PRKCH: variants seen among roughly 807,000 people sequenced by gnomAD.
PRKCH encodes protein kinase C eta.
A neutral mutation model predicts 82.5 loss-of-function variants in PRKCH; 28 were observed. That is an observed-to-expected ratio of 0.34 (90% CI 0.25 to 0.47). PRKCH has a LOEUF of 0.47. Among genes scored for constraint, PRKCH ranks in the 20% least tolerant of loss-of-function variants. The pLI is 1.00. For synonymous variants in PRKCH, 322 were observed against 327.4 expected (o/e 0.98, Z 0.18); for missense variants, 705 against 881.8 (o/e 0.80, Z 2.54).
chr14:61,290,443 G>A (rs976816748), intron 1 of PRKCH, among the ~76,000 whole-genome samples: 2 of 152,196 alleles, frequency 1.3e-5, no homozygotes, highest in Non-Finnish European at 2.9e-5. Flanking sequence ...CTGCCAGAGT[G>A]AGACAGGATG....
chr14:61,239,220 C>G (rs992767649), intron 1 of PRKCH, among the ~76,000 whole-genome samples: 3 of 152,094 alleles, frequency 2.0e-5, no homozygotes, highest in Non-Finnish European at 1.5e-5. Context: ...AAGATACTGC[C>G]CCTAAATTAG....
At chr14:61,430,900 A>G (rs10144460) in intron 2 of PRKCH, among the ~76,000 whole-genome samples, 149,963 of 152,148 alleles carry the variant, frequency 0.99, 73,933 homozygotes, top group Middle Eastern at 1. Context: ...GACTACAGGC[A>G]CGTGCCACCA....
chr14:61,334,873 T>A (rs181283477), intron 1 of PRKCH, among the ~76,000 whole-genome samples: 44 of 152,184 alleles, frequency 2.9e-4, no homozygotes, highest in Admixed American at 6.5e-4. Context: ...TTAATTAATT[T>A]ATTTAATTTT....
chr14:61,420,784 G>A (rs1481907900), intron 2 of PRKCH, among the ~76,000 whole-genome samples: 1 of 152,136 alleles, frequency 6.6e-6, no homozygotes, highest in East Asian at 1.9e-4. Flanking sequence ...TGTTTCAGGA[G>A]TCCTGTAGAA....
At chr14:61,410,695 C>T (rs1041479123) in intron 2 of PRKCH, among the ~76,000 whole-genome samples, 1 of 152,192 alleles carries the variant, frequency 6.6e-6, no homozygotes, top group Non-Finnish European at 1.5e-5. Flanking sequence ...CAGAGCTTTC[C>T]TTATCTTCTA....
At position 61,366,856 on chromosome 14, in the gene PRKCH, C is replaced by T. The variant is rs148191314; in HGVS notation, c.364-24369C>T. Reference sequence around the variant, plus strand: ...TTATAATGGTAATGAAAATTGGACCCTAGAACTTTGGACCTCCCCAGCCTT... The same window carrying T: ...TTATAATGGTAATGAAAATTGGACCTTAGAACTTTGGACCTCCCCAGCCTT... On this transcript the variant is annotated intron_variant, in intron 1 of 13. Coordinates refer to ENST00000332981, the MANE Select transcript of PRKCH (RefSeq NM_006255.5). Among the ~76,000 whole-genome samples, 5 of 152,094 alleles carry T rather than the reference C, an allele frequency of 3.3e-5. No individual in the cohort carries two copies. In the East Asian group the frequency reaches 9.7e-4, roughly 29 times the overall value.
At chr14:61,445,403 A>G (rs1053490930) in intron 3 of PRKCH, among the ~76,000 whole-genome samples, 22 of 152,234 alleles carry the variant, frequency 1.4e-4, no homozygotes, top group Non-Finnish European at 8.8e-5. Context: ...ACACGTACAG[A>G]TGAGGATTTA....
intron 1 of PRKCH, among the ~76,000 whole-genome samples, chr14:61,189,919 C>T (rs2044396919): frequency 6.6e-6 from 1 of 152,036 alleles, no homozygotes; most frequent in South Asian, 2.1e-4. Flanking sequence ...CCTGATAGCC[C>T]TGTTTCTTTC....
At chr14:61,334,810 C>T (rs1454706842) in intron 1 of PRKCH, among the ~76,000 whole-genome samples, 1 of 152,070 alleles carries the variant, frequency 6.6e-6, no homozygotes, top group Non-Finnish European at 1.5e-5. Flanking sequence ...TAAACATGCC[C>T]AGCACAAGAT....
intron 11 of PRKCH, among the ~76,000 whole-genome samples, 156 bp from the exon 12 acceptor site, chr14:61,530,251 C>A (rs567431658): frequency 6.6e-6 from 1 of 152,162 alleles, no homozygotes; most frequent in African/African-American, 2.4e-5. Context: ...GAAAACAGAC[C>A]ACTCTGTAGA....
At chr14:61,478,030 G>A (rs1233687516) in intron 9 of PRKCH, among the ~76,000 whole-genome samples, 1 of 152,310 alleles carries the variant, frequency 6.6e-6, no homozygotes, top group African/African-American at 2.4e-5. Context: ...ACAGCCAAGG[G>A]GCCTTCCTAT....
chr14:61,473,600 G>A (rs1885599595), intron 9 of PRKCH, among the ~76,000 whole-genome samples: 1 of 152,218 alleles, frequency 6.6e-6, no homozygotes, highest in Non-Finnish European at 1.5e-5. Context: ...CGGTTTGGGG[G>A]AAATTCAGTG....
intron 1 of PRKCH, among the ~76,000 whole-genome samples, chr14:61,260,809 C>T (rs944115778): frequency 2.0e-5 from 3 of 152,118 alleles, no homozygotes; most frequent in Admixed American, 6.5e-5. Flanking sequence ...CTAACCTTTG[C>T]GGATAATCAC....
intron 10 of PRKCH, among the ~76,000 whole-genome samples, chr14:61,503,349 A>C: frequency 6.6e-6 from 1 of 151,820 alleles, no homozygotes; most frequent in Admixed American, 6.6e-5. Flanking sequence ...AGGTTAAAAA[A>C]CAACCAAACA....
chr14:61,389,744 A>G (rs2046646811), intron 1 of PRKCH, among the ~76,000 whole-genome samples: 1 of 151,980 alleles, frequency 6.6e-6, no homozygotes, highest in Non-Finnish European at 1.5e-5. Context: ...GATGCCATAG[A>G]CTTTTCAGAT....
At position 61,498,199 on chromosome 14, in the gene PRKCH, A is replaced by G. The variant is rs186773986; in HGVS notation, c.1433+12543A>G. Among the ~76,000 whole-genome samples, 110 of 152,190 alleles carry G rather than the reference A, an allele frequency of 7.2e-4. 1 individual carries two copies. The highest frequency in any genetic ancestry group is 2.5e-4 in the Non-Finnish European group (17 of 68,020). ...CGGCTAATTTTTGTATTTTTAGTAG[A>G]GACGGGGTTTCACCATGTTGGCCAG... On this transcript the variant is annotated intron_variant, in intron 10 of 13. Transcript: ENST00000332981.
At chr14:61,507,481 C>G (rs1270806130) in intron 10 of PRKCH, among the ~76,000 whole-genome samples, 11 of 152,178 alleles carry the variant, frequency 7.2e-5, no homozygotes, top group African/African-American at 2.4e-5. Flanking sequence ...TGTCTGCACT[C>G]TCATGATCAT....
chr14:61,312,693 G>C (rs955349920), intron 1 of PRKCH, among the ~76,000 whole-genome samples: 11 of 152,266 alleles, frequency 7.2e-5, no homozygotes, highest in African/African-American at 2.6e-4. Flanking sequence ...CAGTGGAACT[G>C]CCCTTTATAA....
chr14:61,326,860 C>G (rs1034140427), intron 1 of PRKCH: 1 of 232,142 alleles, frequency 4.3e-6, no homozygotes, highest in Admixed American at 5.2e-5. Context: ...GCTTCTAGAA[C>G]ATGTTTATTT....
Sources: gnomAD v4.1 joint callset for allele counts (sites outside exome capture counted in the v4.1 genomes callset) on GRCh38, gnomAD v4.1.1 for gene constraint, MANE v1.5 for transcripts, NCBI Gene and HGNC (gene_info 2026-07-23, HGNC 2026-07-21) for gene names.